The following TXNDC15 variants were observed in gnomAD, a reference collection of about 807,000 sequenced individuals.
The protein encoded by TXNDC15 is thioredoxin domain-containing protein 15.
Under a neutral mutation model 35.0 loss-of-function variants are expected in TXNDC15, and 24 were observed. That is an observed-to-expected ratio of 0.68 (90% CI 0.50 to 0.96). The LOEUF (loss-of-function observed/expected upper bound fraction) is 0.96. Ranked by LOEUF, TXNDC15 falls within the 40% of genes least tolerant of loss-of-function variation. TXNDC15 has a pLI of 0.00. For synonymous variants in TXNDC15, 169 were observed against 174.0 expected (o/e 0.97, Z 0.23); for missense variants, 385 against 453.3 (o/e 0.85, Z 1.37).
chr5:134,880,485 G>A (rs1474845862), intron 1 of TXNDC15, among the ~76,000 whole-genome samples: 2 of 150,170 alleles, frequency 1.3e-5, no homozygotes, highest in Admixed American at 1.3e-4. Context: ...AGCCCAGGCT[G>A]GAGTGCAGTG....
chr5:134,898,248 TTTG>T (rs1385607172), intron 4 of TXNDC15, among the ~76,000 whole-genome samples: 1 of 152,234 alleles, frequency 6.6e-6, no homozygotes, highest in African/African-American at 2.4e-5. Context: ...ATGGTTATGT[TTTG>T]TTCTTTTTCT....
chr5:134,898,575 A>G (rs574016844), intron 4 of TXNDC15, among the ~76,000 whole-genome samples: 1 of 152,350 alleles, frequency 6.6e-6, no homozygotes, highest in African/African-American at 2.4e-5. Flanking sequence ...TGATAGGAGT[A>G]AAAGTAGGAT....
At position 134,887,729 on chromosome 5, in the gene TXNDC15, G is replaced by C. The variant is rs763607903; in HGVS notation, c.138G>C (p.Glu46Asp). The change falls in exon 2 of 5, where the codon GAG becomes GAC. Residue 46 changes from glutamate (E) to aspartate (D), a missense_variant. Physicochemically the swap from Glu to Asp is conservative, Grantham distance 45. Coordinates refer to ENST00000358387, the MANE Select transcript of TXNDC15 (RefSeq NM_024715.4). ...AEESGRLWSE[E>D]QPAHPLQVGA... The stretch of plus-strand genomic sequence containing the variant: ...AAAGTGGTCGCTTATGGTCAGAGGA[G>C]CAGCCTGCTCACCCTCTCCAGGTGG... 1 of 1,605,898 alleles carries C rather than the reference G, an allele frequency of 6.2e-7. No homozygotes were observed. The highest frequency in any genetic ancestry group is 8.5e-7 in the Non-Finnish European group (1 of 1,174,234).
Position 134,875,325 on chromosome 5 carries a change from G to T in TXNDC15, c.103+795G>T, listed in dbSNP as rs187449756. The T allele has an allele frequency of 2.9e-3, 1,303 of 456,264 alleles. 2 individuals are homozygous for T. The highest frequency in any genetic ancestry group is 3.4e-3 in the Non-Finnish European group (764 of 226,962). The allele number at this position is 456,264 out of a possible 1,614,324, so 28.3% of individuals were successfully genotyped here. A position where few individuals can be genotyped will look rare whatever the true frequency, so the allele number is the denominator to read the frequency against. ...TCGCTTGTCATTTAGACCTTAACAGGAATAGGCAGGTCTTTCTTTTCCCTG... is the reference window on the plus strand; with the variant it reads ...TCGCTTGTCATTTAGACCTTAACAGTAATAGGCAGGTCTTTCTTTTCCCTG... On this transcript the variant is annotated intron_variant, in intron 1 of 4. Transcript: ENST00000358387.
intron 1 of TXNDC15, among the ~76,000 whole-genome samples, chr5:134,879,984 C>G (rs761832556): frequency 6.6e-6 from 1 of 152,040 alleles, no homozygotes; most frequent in East Asian, 1.9e-4. Context: ...TTAGTACAGA[C>G]GGGATTTCAA....
chr5:134,878,770 G>A (rs1750087647), intron 1 of TXNDC15, among the ~76,000 whole-genome samples: 1 of 152,204 alleles, frequency 6.6e-6, no homozygotes, highest in Non-Finnish European at 1.5e-5. Flanking sequence ...AGGCCGAGGT[G>A]GCTGGATCAT....
chr5:134,893,816 T>C (rs1017753338), intron 3 of TXNDC15, among the ~76,000 whole-genome samples, 161 bp downstream of exon 3: 2 of 152,178 alleles, frequency 1.3e-5, no homozygotes, highest in Non-Finnish European at 1.5e-5. Context: ...ATCATACTCC[T>C]GAGGGAGCTG....
intron 1 of TXNDC15, among the ~76,000 whole-genome samples, chr5:134,880,809 A>G (rs1750126783): frequency 6.7e-6 from 1 of 150,302 alleles, no homozygotes; most frequent in South Asian, 2.1e-4. Flanking sequence ...CCAGTGAGAA[A>G]CCTGTTGTTA....
intron 2 of TXNDC15, among the ~76,000 whole-genome samples, chr5:134,890,108 G>T (rs955530534): frequency 6.6e-6 from 1 of 152,128 alleles, no homozygotes; most frequent in African/African-American, 2.4e-5. Context: ...ATGGCTCACT[G>T]CAGCCTTGAC....
intron 3 of TXNDC15, among the ~76,000 whole-genome samples, chr5:134,894,201 T>C (rs1234556757): frequency 2.0e-5 from 3 of 152,028 alleles, no homozygotes; most frequent in Admixed American, 1.3e-4. Flanking sequence ...TTAATTTAGC[T>C]CTTTAACATG....
intron 2 of TXNDC15, 100 bp from the exon 3 acceptor site, chr5:134,893,392 G>C: frequency 6.9e-7 from 1 of 1,444,032 alleles, no homozygotes; most frequent in Non-Finnish European, 9.6e-7. Context: ...CTACCCACCC[G>C]TTCCTCTCCC....
intron 1 of TXNDC15, among the ~76,000 whole-genome samples, chr5:134,881,199 A>ATTTATT (rs1469910084): frequency 7.5e-6 from 1 of 132,460 alleles, no homozygotes; most frequent in African/African-American, 2.8e-5. Context: ...TTATTTATTT[A>ATTTATT]TTTTTTTATT....
intron 1 of TXNDC15, among the ~76,000 whole-genome samples, chr5:134,887,057 A>G (rs1245782523): frequency 6.6e-6 from 1 of 152,228 alleles, no homozygotes; most frequent in African/African-American, 2.4e-5. Context: ...GAAAGTGTTT[A>G]TATTCTATTT....
At chr5:134,890,067 G>A (rs544691124) in intron 2 of TXNDC15, among the ~76,000 whole-genome samples, 1 of 152,268 alleles carries the variant, frequency 6.6e-6, no homozygotes, top group South Asian at 2.1e-4. Flanking sequence ...GTATTGCTCT[G>A]TCACCCAGGC....
chr5:134,882,570 G>A (rs534598756), intron 1 of TXNDC15, among the ~76,000 whole-genome samples: 1 of 152,258 alleles, frequency 6.6e-6, no homozygotes, highest in African/African-American at 2.4e-5. Flanking sequence ...ACTGAGTGAA[G>A]GAGACTCCTG....
chr5:134,886,373 G>C (rs542397240), intron 1 of TXNDC15, among the ~76,000 whole-genome samples: 1 of 152,240 alleles, frequency 6.6e-6, no homozygotes, highest in Admixed American at 6.5e-5. Context: ...GTGAGCTTTC[G>C]TGAGGGCTGC....
intron 1 of TXNDC15, among the ~76,000 whole-genome samples, chr5:134,879,055 A>G (rs111349483): frequency 1.3e-5 from 2 of 152,356 alleles, no homozygotes; most frequent in African/African-American, 4.8e-5. Context: ...ACTGTCACAT[A>G]GTATGACATT....
At chr5:134,889,426 G>A (rs904967900) in intron 2 of TXNDC15, among the ~76,000 whole-genome samples, 2 of 152,180 alleles carry the variant, frequency 1.3e-5, no homozygotes, top group East Asian at 1.9e-4. Flanking sequence ...GTTTTACCAC[G>A]TTGGCCAGGC....
intron 1 of TXNDC15, among the ~76,000 whole-genome samples, chr5:134,874,802 A>AG (rs1462193205): frequency 6.6e-6 from 1 of 152,268 alleles, no homozygotes; most frequent in African/African-American, 2.4e-5. Context: ...CAGGAGGGAC[A>AG]GTGCGGTAAG....
Sources: allele counts gnomAD v4.1 joint callset (sites outside exome capture counted in the v4.1 genomes callset), GRCh38; gene constraint gnomAD v4.1.1; transcripts MANE v1.5; gene names NCBI Gene and HGNC (gene_info 2026-07-23, HGNC 2026-07-21).